The following SVOP variants were observed in gnomAD, a reference collection of about 807,000 sequenced individuals.
SVOP encodes the protein SV2 related protein.
A neutral mutation model predicts 69.1 loss-of-function variants in SVOP; 17 were observed. The observed-to-expected ratio is 0.25, with a 90% CI of 0.17 to 0.37. The LOEUF is 0.37. SVOP is among the 10% of genes least tolerant of loss of function. SVOP has a pLI of 1.00. For missense variants in SVOP, 435 were observed against 597.5 expected (o/e 0.73, Z 2.84); for synonymous variants, 238 against 238.6 (o/e 1.00, Z 0.02).
Position 108,912,689 on chromosome 12 carries a change from C to T in SVOP, c.1493G>A (p.Cys498Tyr). 2 of 1,613,606 alleles carry T rather than the reference C, an allele frequency of 1.2e-6. No individual in the cohort carries two copies. The highest frequency in any genetic ancestry group is 1.7e-6 in the Non-Finnish European group (2 of 1,179,840). ...GCAGGAGGCCAGGGCAGCCAGGAGGCAGCAGCCACTGTAAACTGCCAGAGT... is the reference window on the plus strand; with the variant it reads ...GCAGGAGGCCAGGGCAGCCAGGAGGTAGCAGCCACTGTAAACTGCCAGAGT... Reference protein sequence around the residue: ...YLTLAVYSGCCLLAALASCFL... With the variant: ...YLTLAVYSGCYLLAALASCFL... Residue 498 changes from cysteine (C) to tyrosine (Y), a missense_variant, in exon 16 of 16, where the codon TGC (cysteine) becomes TAC (tyrosine). By Grantham distance (194) the Cys-to-Tyr change is radical. Transcript: ENST00000610966.
At chr12:109,002,028 C>A (rs1271430717) in intron 1 of SVOP, among the ~76,000 whole-genome samples, 1 of 132,650 alleles carries the variant, frequency 7.5e-6, no homozygotes, top group Non-Finnish European at 1.6e-5. Context: ...AGGCAACCTA[C>A]AAAATGGGAG....
chr12:108,925,011 C>A (rs1171778781), intron 11 of SVOP, among the ~76,000 whole-genome samples: 2 of 151,880 alleles, frequency 1.3e-5, no homozygotes, highest in Non-Finnish European at 2.9e-5. Context: ...TTTGAAAAAG[C>A]CTTCCTTTTT....
rs745764893 is a variant in SVOP at position 108,996,286 on chromosome 12, C to A, written c.36-12525G>T. On this transcript the variant is annotated intron_variant, in intron 1 of 15. Coordinates refer to ENST00000610966, the MANE Select transcript of SVOP (RefSeq NM_018711.5). Reference sequence around the variant, plus strand: ...CTTACGTGTGGTCCTGGCCAGATGCCGAGGCTCATGCCTGTAGTCCCCACA... The same window carrying A: ...CTTACGTGTGGTCCTGGCCAGATGCAGAGGCTCATGCCTGTAGTCCCCACA... 1.4e-4 allele frequency among the ~76,000 whole-genome samples: 21 copies of A among 152,124 alleles called. No homozygotes were observed. In the South Asian group the frequency reaches 3.1e-3, roughly 23 times the overall value.
intron 10 of SVOP, chr12:108,937,003 A>G (rs1001160308): frequency 6.8e-6 from 3 of 442,994 alleles, no homozygotes; most frequent in African/African-American, 6.0e-5. Flanking sequence ...TCAAGGCTGC[A>G]GTAAGCTAGG....
intron 6 of SVOP, among the ~76,000 whole-genome samples, chr12:108,952,311 C>T (rs1355227655): frequency 2.0e-5 from 3 of 149,770 alleles, no homozygotes; most frequent in South Asian, 2.2e-4. Flanking sequence ...CTTGGCTCAC[C>T]GCAACCTCTA....
At chr12:108,942,749 C>T (rs779892194) in intron 7 of SVOP, among the ~76,000 whole-genome samples, 3 of 152,156 alleles carry the variant, frequency 2.0e-5, no homozygotes, top group Non-Finnish European at 4.4e-5. Context: ...ATAAATAGTC[C>T]ATTATTTATT....
chr12:108,959,229 G>A (rs2040002875), intron 6 of SVOP, among the ~76,000 whole-genome samples: 1 of 152,116 alleles, frequency 6.6e-6, no homozygotes, highest in East Asian at 1.9e-4. Context: ...CATACTTCTA[G>A]GTACCTCCGC....
At chr12:109,017,158 G>A (rs765173156) in intron 1 of SVOP, among the ~76,000 whole-genome samples, 2 of 152,124 alleles carry the variant, frequency 1.3e-5, no homozygotes, top group Non-Finnish European at 2.9e-5. Context: ...GGGCTGCACA[G>A]TGAGCCTTGG....
chr12:109,020,565 A>G (rs1300675557), intron 1 of SVOP, among the ~76,000 whole-genome samples: 2 of 152,190 alleles, frequency 1.3e-5, no homozygotes, highest in Non-Finnish European at 2.9e-5. Flanking sequence ...TTTAGGATTG[A>G]GAGCAATTAA....
At chr12:108,977,164 TC>T (rs2040110831) in intron 4 of SVOP, among the ~76,000 whole-genome samples, 1 of 152,152 alleles carries the variant, frequency 6.6e-6, no homozygotes, top group Non-Finnish European at 1.5e-5. Context: ...GGTTTCAAGC[TC>T]CCAGCAACAG....
intron 1 of SVOP, among the ~76,000 whole-genome samples, chr12:109,003,153 A>G (rs1593206646): frequency 1.3e-5 from 2 of 152,132 alleles, no homozygotes; most frequent in South Asian, 2.1e-4. Context: ...TGCTTAGACA[A>G]TCATAGACAT....
intron 1 of SVOP, among the ~76,000 whole-genome samples, chr12:109,002,071 G>A (rs1377564830): frequency 8.9e-4 from 111 of 124,456 alleles, no homozygotes; most frequent in Non-Finnish European, 9.6e-4. Flanking sequence ...CTGACAAAGG[G>A]CTAATATCCA....
At chr12:108,985,781 A>C (rs2040162956) in intron 1 of SVOP, among the ~76,000 whole-genome samples, 1 of 152,356 alleles carries the variant, frequency 6.6e-6, no homozygotes, top group Admixed American at 6.5e-5. Flanking sequence ...AAAGGTAAAA[A>C]AAAGAGAAAT....
At chr12:108,928,785 C>T (rs902888941) in intron 11 of SVOP, among the ~76,000 whole-genome samples, 7 of 151,974 alleles carry the variant, frequency 4.6e-5, no homozygotes, top group Non-Finnish European at 8.8e-5. Flanking sequence ...CCAGGCTGGT[C>T]TCGAACTCCT....
intron 5 of SVOP, among the ~76,000 whole-genome samples, chr12:108,962,763 A>G (rs1488228488): frequency 1.3e-5 from 2 of 152,090 alleles, no homozygotes; most frequent in Non-Finnish European, 2.9e-5. Context: ...CCAGGAGCTC[A>G]AGACTAGCCT....
intron 11 of SVOP, among the ~76,000 whole-genome samples, chr12:108,926,148 TAGCCTCA>T (rs2039779034): frequency 6.6e-6 from 1 of 152,160 alleles, no homozygotes; most frequent in Non-Finnish European, 1.5e-5. Context: ...CTCGAACTCC[TAGCCTCA>T]AGCAATCCTC....
intron 2 of SVOP, among the ~76,000 whole-genome samples, chr12:108,982,344 C>T (rs1024591917): frequency 2.1e-4 from 31 of 147,014 alleles, no homozygotes; most frequent in African/African-American, 7.8e-4. Context: ...ATCATCTTCA[C>T]CATCATCATC....
chr12:109,002,894 C>G (rs1255163333), intron 1 of SVOP, among the ~76,000 whole-genome samples: 1 of 150,414 alleles, frequency 6.6e-6, no homozygotes, highest in Non-Finnish European at 1.5e-5. Flanking sequence ...ACCAGCATGG[C>G]ACATGTATAC....
chr12:108,963,462 CT>C (rs2137424218), intron 5 of SVOP, among the ~76,000 whole-genome samples: 1 of 152,182 alleles, frequency 6.6e-6, no homozygotes, highest in African/African-American at 2.4e-5. Flanking sequence ...GCCAGTCTGT[CT>C]TTAACACCTA....
Sources: gnomAD v4.1 joint callset for allele counts (sites outside exome capture counted in the v4.1 genomes callset) on GRCh38, gnomAD v4.1.1 for gene constraint, MANE v1.5 for transcripts, NCBI Gene and HGNC (gene_info 2026-07-23, HGNC 2026-07-21) for gene names.